PPP1R42: variants seen among roughly 807,000 people sequenced by gnomAD.
The protein encoded by PPP1R42 is leucine rich repeat containing 67.
A neutral mutation model predicts 31.0 loss-of-function variants in PPP1R42; 34 were observed. The observed-to-expected ratio is 1.10, with a 90% confidence interval of 0.83 to 1.46. The LOEUF is 1.46. Ranked by LOEUF, PPP1R42 falls within the 40% of genes most tolerant of loss-of-function variation. The pLI is 0.00. For synonymous variants in PPP1R42, 103 were observed against 109.8 expected (o/e 0.94, Z 0.39); for missense variants, 268 against 303.0 (o/e 0.88, Z 0.86).
intron 5 of PPP1R42, among the ~76,000 whole-genome samples, chr8:67,009,736 G>A (rs949995500): frequency 2.6e-5 from 4 of 152,110 alleles, no homozygotes; most frequent in Admixed American, 2.0e-4. Context: ...ATATTTTGAG[G>A]AATTCATTTG....
chr8:67,004,015 G>A (rs967920847), intron 5 of PPP1R42, among the ~76,000 whole-genome samples: 53 of 152,096 alleles, frequency 3.5e-4, no homozygotes, highest in Admixed American at 6.6e-4. Context: ...GCGTTAACCT[G>A]GGAGGTGGAG....
chr8:66,990,951 G>A (rs976318379), intron 5 of PPP1R42, among the ~76,000 whole-genome samples: 1 of 152,172 alleles, frequency 6.6e-6, no homozygotes, highest in Admixed American at 6.5e-5. Context: ...GGCCGTAGAA[G>A]TTTGTTCATT....
intron 7 of PPP1R42, 120 bp from the exon 8 acceptor site, chr8:66,964,454 C>G: frequency 2.7e-6 from 1 of 363,724 alleles, no homozygotes; most frequent in Non-Finnish European, 4.6e-6. Flanking sequence ...TGATTAATCA[C>G]CAAACAGTGT....
At chr8:66,979,941 T>C (rs1814780517) in intron 7 of PPP1R42, among the ~76,000 whole-genome samples, 1 of 152,152 alleles carries the variant, frequency 6.6e-6, no homozygotes, top group Non-Finnish European at 1.5e-5. Flanking sequence ...AGAAACTACA[T>C]TATTTTTAGA....
At position 66,983,902 on chromosome 8, in the gene PPP1R42, T is replaced by C; in HGVS notation, c.671-1722A>G. ...AGTACTTATAACTTTACAATAAAGG[T>C]CATTCTTTTTTATTATTTATTTAAA... On this transcript the variant is annotated intron_variant, in intron 6 of 7. Transcript: ENST00000685739. Among the ~76,000 whole-genome samples the C allele has an allele frequency of 2.0e-5, 3 of 152,166 alleles. No homozygotes were observed. The South Asian group carries it at 6.2e-4, about 32-fold the overall frequency.
chr8:66,969,186 T>C (rs947399168), intron 7 of PPP1R42, among the ~76,000 whole-genome samples: 3 of 152,234 alleles, frequency 2.0e-5, no homozygotes, highest in Admixed American at 6.5e-5. Context: ...CAGCTCACTA[T>C]TGATCTAACA....
At chr8:66,975,772 G>C (rs1814652669) in intron 7 of PPP1R42, among the ~76,000 whole-genome samples, 1 of 152,106 alleles carries the variant, frequency 6.6e-6, no homozygotes, top group Admixed American at 6.6e-5. Context: ...CATATTTATA[G>C]GGTACATAGT....
At chr8:66,965,038 T>C (rs1307557593) in intron 7 of PPP1R42, among the ~76,000 whole-genome samples, 1 of 152,208 alleles carries the variant, frequency 6.6e-6, no homozygotes, top group Non-Finnish European at 1.5e-5. Context: ...TATTATATAG[T>C]ATGTAGCCTT....
At position 67,017,278 on chromosome 8, in the gene PPP1R42, C is replaced by T. The variant is rs557422687; in HGVS notation, c.129+341G>A. Among the ~76,000 whole-genome samples the T allele has an allele frequency of 1.8e-3, 275 of 152,158 alleles. 3 individuals are homozygous for T. The highest frequency in any genetic ancestry group is 3.2e-3 in the Non-Finnish European group (216 of 67,988). ...CACTTCTTGAGCTCAGAAGTCTGAG[C>T]TCAAGAACTCAACATGGTAAACCTG... On this transcript the variant is annotated intron_variant, in intron 2 of 7. Coordinates refer to ENST00000685739, the MANE Select transcript of PPP1R42 (RefSeq NM_001364910.1).
chr8:67,024,935 ATTTTTTT>A (rs111426449), intron 1 of PPP1R42, among the ~76,000 whole-genome samples: 6 of 133,800 alleles, frequency 4.5e-5, no homozygotes, highest in Non-Finnish European at 9.8e-5. Context: ...TAGGATTTTA[ATTTTTTT>A]TTTTTTTTTT....
intron 6 of PPP1R42, 59 bp from the exon 7 acceptor site, chr8:66,982,239 A>G (rs1814863574): frequency 1.2e-6 from 1 of 829,952 alleles, no homozygotes; most frequent in Non-Finnish European, 1.7e-6. Flanking sequence ...ATAAGTCAAA[A>G]TATGCACTTC....
chr8:66,985,620 T>A, intron 6 of PPP1R42: 1 of 1,372,534 alleles, frequency 7.3e-7, no homozygotes, highest in Non-Finnish European at 1.0e-6. Flanking sequence ...CTGTTTTCCT[T>A]GCCTTCTCAA....
chr8:66,996,611 C>T (rs1003988185), intron 5 of PPP1R42, among the ~76,000 whole-genome samples: 7 of 152,138 alleles, frequency 4.6e-5, no homozygotes, highest in Non-Finnish European at 2.9e-5. Flanking sequence ...CCATGTCTTC[C>T]CTTTTCCTAG....
At chr8:67,004,163 G>C (rs1815600632) in intron 5 of PPP1R42, among the ~76,000 whole-genome samples, 1 of 151,658 alleles carries the variant, frequency 6.6e-6, no homozygotes, top group Non-Finnish European at 1.5e-5. Flanking sequence ...GAATGGATTA[G>C]AACCTTATAA....
chr8:67,017,586 A>T, intron 2 of PPP1R42, 33 bp downstream of exon 2: 1 of 1,196,170 alleles, frequency 8.4e-7, no homozygotes, highest in Non-Finnish European at 1.1e-6. Context: ...ATTATTAATT[A>T]TATAAAATAG....
rs1287537796 is a variant in PPP1R42 at position 67,009,147 on chromosome 8, G to A, written c.552+1568C>T. Among the ~76,000 whole-genome samples, 3 of 152,120 alleles carry A rather than the reference G, an allele frequency of 2.0e-5. 1 individual carries two copies. Among genetic ancestry groups the A allele is most frequent in the African/African-American group, 7.2e-5 (3 of 41,418 alleles). ...AAGCCAGGCATGGTGGTGCACATCT[G>A]TAGTCCCAGCTACTCGGGAGGCTGA... On this transcript the variant is annotated intron_variant, in intron 5 of 7. Coordinates refer to ENST00000685739, the MANE Select transcript of PPP1R42 (RefSeq NM_001364910.1).
chr8:66,983,722 A>G (rs1814916483), intron 6 of PPP1R42, among the ~76,000 whole-genome samples: 2 of 152,216 alleles, frequency 1.3e-5, no homozygotes, highest in South Asian at 4.1e-4. Flanking sequence ...ATACTGTGTT[A>G]TACCCAAAGT....
chr8:66,970,973 G>T, intron 7 of PPP1R42: 2 of 1,514,274 alleles, frequency 1.3e-6, no homozygotes, highest in Non-Finnish European at 1.8e-6. Context: ...ATATTTGAAA[G>T]AACCTACCCC....
intron 5 of PPP1R42, among the ~76,000 whole-genome samples, chr8:66,999,418 G>A (rs1367337501): frequency 4.6e-5 from 7 of 152,176 alleles, no homozygotes; most frequent in African/African-American, 1.4e-4. Context: ...ACGGGGTTTC[G>A]CCACATTGGT....
Sources: gnomAD v4.1 joint callset for allele counts (sites outside exome capture counted in the v4.1 genomes callset) on GRCh38, gnomAD v4.1.1 for gene constraint, MANE v1.5 for transcripts, NCBI Gene and HGNC (gene_info 2026-07-23, HGNC 2026-07-21) for gene names.